Variants in ZNF324 observed in about 807,000 individuals in gnomAD.
ZNF324 encodes the protein zinc finger protein 324A.
ZNF324 carries 3 observed loss-of-function variants against 10.3 expected under a neutral mutation model. The observed-to-expected ratio is 0.29, with a 90% CI of 0.13 to 0.75. The LOEUF is 0.75. ZNF324 is among the 30% of genes least tolerant of loss of function. ZNF324 has a pLI of 0.69. For synonymous variants in ZNF324, 430 were observed against 339.5 expected (o/e 1.27, Z -2.93); for missense variants, 763 against 784.4 (o/e 0.97, Z 0.33).
intron 3 of ZNF324, 166 bp from the exon 4 acceptor site, chr19:58,470,565 G>C (rs1204719623): frequency 1.2e-6 from 1 of 824,084 alleles, no homozygotes; most frequent in African/African-American, 1.7e-5. Context: ...TATCAGGGCA[G>C]ATTGTTCCTC....
Position 58,471,844 on chromosome 19 carries a change from G to C in ZNF324, c.1352G>C (p.Arg451Pro). ...CACCAGCTCCTGCACACGGGCGAGC[G>C]GCCCTTCCGCTGCGTGGACTGTGGC... Reference protein sequence around the residue: ...TQHQLLHTGERPFRCVDCGKA... With the variant: ...TQHQLLHTGEPPFRCVDCGKA... Residue 451 changes from arginine to proline, a missense_variant, in exon 4 of 4, where the codon CGG becomes CCG. This residue lies in a region of ZNF324 where 231 missense variants were observed against 196.0 expected (regional missense o/e 1.18). Transcript: ENST00000196482. 6.2e-7 allele frequency: 1 copy of C among 1,612,648 alleles called. No homozygotes were observed. Among genetic ancestry groups the C allele is most frequent in the South Asian group, 1.1e-5 (1 of 91,050 alleles).
rs1006704358 is a variant in ZNF324 at position 58,472,891 on chromosome 19, C to CGGCCT, written c.*746_*750dup. 6.5e-6 allele frequency: 1 copy of CGGCCT among 152,768 alleles called. No individual in the cohort carries two copies. The highest frequency in any genetic ancestry group is 2.4e-5 in the African/African-American group (1 of 41,426). The allele number at this position is 152,768 out of a possible 1,614,324, so 9.5% of individuals were successfully genotyped here. A position where few individuals can be genotyped will look rare whatever the true frequency, so the allele number is the denominator to read the frequency against. On this transcript the variant is annotated 3_prime_UTR_variant, in exon 4 of 4. Coordinates refer to ENST00000196482, the MANE Select transcript of ZNF324 (RefSeq NM_014347.3). ...TGGAAGATGAGGAAACTGAGGCACACGGCCTGGCCTGGCTTCACACACATA... is the reference window on the plus strand; with the variant it reads ...TGGAAGATGAGGAAACTGAGGCACACGGCCTGGCCTGGCCTGGCTTCACACACATA...
rs2053024644 is a variant in ZNF324 at position 58,470,908 on chromosome 19, T to A, written c.416T>A (p.Val139Glu). The A allele has an allele frequency of 2.5e-6, 4 of 1,613,952 alleles. No homozygotes were observed. The highest frequency in any genetic ancestry group is 3.4e-6 in the Non-Finnish European group (4 of 1,179,986). Residue 139 changes from valine to glutamate, a missense_variant, in exon 4 of 4, where the codon GTG becomes GAG. Val to Glu is a moderately radical substitution (Grantham distance 121). This residue lies in a region of ZNF324 where 379 missense variants were observed against 319.4 expected (regional missense o/e 1.19). Coordinates refer to ENST00000196482, the MANE Select transcript of ZNF324 (RefSeq NM_014347.3). ...SPSRERKPTG[V>E]SVIYWERLLL... is the part of the protein sequence containing the mutation. ...TCTCGGGAGAGAAAACCCACGGGGG[T>A]GTCGGTGATCTACTGGGAGAGGCTC...
chr19:58,468,549 T>A (rs568420930), intron 1 of ZNF324, among the ~76,000 whole-genome samples: 3 of 151,482 alleles, frequency 2.0e-5, no homozygotes, highest in Non-Finnish European at 4.4e-5. Context: ...CAGGGGAGGG[T>A]CCCAGTGATG....
chr19:58,470,101 G>A (rs1354504191), intron 3 of ZNF324, among the ~76,000 whole-genome samples: 4 of 152,184 alleles, frequency 2.6e-5, no homozygotes, highest in African/African-American at 9.7e-5. Context: ...TATCAGCTGG[G>A]CTGGCCTCAA....
chr19:58,468,850 G>A (rs1169882311), intron 1 of ZNF324, among the ~76,000 whole-genome samples: 1 of 152,146 alleles, frequency 6.6e-6, no homozygotes, highest in Non-Finnish European at 1.5e-5. Context: ...CAGAACCCAG[G>A]GAAGGAGGGT....
intron 1 of ZNF324, among the ~76,000 whole-genome samples, chr19:58,468,370 G>C (rs1052100403): frequency 1.2e-4 from 18 of 152,254 alleles, no homozygotes; most frequent in Middle Eastern, 3.4e-3. Flanking sequence ...GAGGAGGGGA[G>C]GGTGGCAACA....
chr19:58,472,068 GCATCATCAGAAGGTGCGC>G lies in ZNF324; in HGVS notation c.1579_1596del (p.Ser527_Pro532del), dbSNP rs1185329089. The G allele has an allele frequency of 6.2e-7, 1 of 1,603,802 alleles. No individual in the cohort carries two copies. Among genetic ancestry groups the G allele is most frequent in the Non-Finnish European group, 8.5e-7 (1 of 1,177,592 alleles). ...CCCCCAGGCCAGGTCTGTTGCCGGG[GCATCATCAGAAGGTGCGC>G]CAGCGAAGGAAACCGAGCCCACTCC... On this transcript the variant is annotated inframe_deletion, in exon 4 of 4. Coordinates refer to ENST00000196482, the MANE Select transcript of ZNF324 (RefSeq NM_014347.3).
Position 58,472,500 on chromosome 19 carries a change from G to A in ZNF324, c.*346G>A, listed in dbSNP as rs2053046224. The A allele has an allele frequency of 7.4e-6, 2 of 271,462 alleles. No homozygotes were observed. Among genetic ancestry groups the A allele is most frequent in the Admixed American group, 9.5e-5 (2 of 21,120 alleles). 16.8% of individuals were successfully genotyped at this position (271,462 alleles called of 1,614,324 possible). On this transcript the variant is annotated 3_prime_UTR_variant, in exon 4 of 4. Coordinates refer to ENST00000196482, the MANE Select transcript of ZNF324 (RefSeq NM_014347.3). ...ATGACAGTGGATGCTAAGGTGAGAG[G>A]GATGCAGGCATGGGTTGGGGGTGGC...
At position 58,472,526 on chromosome 19, in the gene ZNF324, C is replaced by G. The variant is rs548406247; in HGVS notation, c.*372C>G. On this transcript the variant is annotated 3_prime_UTR_variant, in exon 4 of 4. Coordinates refer to ENST00000196482, the MANE Select transcript of ZNF324 (RefSeq NM_014347.3). ...GATGCAGGCATGGGTTGGGGGTGGC[C>G]CAGAGAAACTTATGACAGCTGTACA... 5.9e-5 allele frequency: 13 copies of G among 219,344 alleles called. No homozygotes were observed. In the South Asian group the frequency reaches 1.3e-3, roughly 21 times the overall value. The allele number at this position is 219,344 out of a possible 1,614,324, so 13.6% of individuals were successfully genotyped here.
In ZNF324 at chr19:58,470,833, G is replaced by A. The variant is rs200934507; in HGVS notation, c.341G>A (p.Gly114Asp). Reference protein sequence around the residue: ...GMTTSVFPVAGACHSVKSLQR... With the variant: ...GMTTSVFPVADACHSVKSLQR... ...ACTACTAGCGTCTTCCCTGTTGCCG[G>A]TGCCTGCCACAGTGTAAAAAGCCTG... is the stretch of plus-strand genomic sequence containing the variant. The change falls in exon 4 of 4, where the codon GGT becomes GAT. Residue 114 changes from glycine to aspartate, a missense_variant. Gly to Asp is a moderately conservative substitution (Grantham distance 94). This residue lies in a region of ZNF324 where 379 missense variants were observed against 319.4 expected (regional missense o/e 1.19). Transcript: ENST00000196482. 1.6e-5 allele frequency: 26 copies of A among 1,613,966 alleles called. No individual in the cohort carries two copies. The highest frequency in any genetic ancestry group is 3.3e-4 in the Middle Eastern group (2 of 6,058).
chr19:58,474,571 A>G lies in ZNF324; in HGVS notation c.*2417A>G, dbSNP rs1031591427. The G allele has an allele frequency of 2.0e-5, 3 of 151,720 alleles. No individual in the cohort carries two copies. The highest frequency in any genetic ancestry group is 2.1e-4 in the South Asian group (1 of 4,798). 9.4% of individuals were successfully genotyped at this position (151,720 alleles called of 1,614,324 possible). A position where few individuals can be genotyped will look rare whatever the true frequency, so the allele number is the denominator to read the frequency against. On this transcript the variant is annotated 3_prime_UTR_variant, in exon 4 of 4. Transcript: ENST00000196482. ...ACCCATGACTGATCAGTGGCCCCCA[A>G]CCTAGGCTCCCACCTCCATGCAGGT... is the stretch of plus-strand genomic sequence containing the variant.
chr19:58,470,385 G>C (rs1370146609), intron 3 of ZNF324: 1 of 399,284 alleles, frequency 2.5e-6, no homozygotes, highest in Non-Finnish European at 4.7e-6. Flanking sequence ...TGAGAAGGGG[G>C]ACAGGGGCGG....
chr19:58,470,394 G>C (rs898660320), intron 3 of ZNF324: 3 of 425,190 alleles, frequency 7.1e-6, no homozygotes, highest in Non-Finnish European at 1.3e-5. Context: ...GGACAGGGGC[G>C]GGGGGAAGGG....
At position 58,475,055 on chromosome 19, in the gene ZNF324, T is replaced by C. The variant is rs1030143908; in HGVS notation, c.*2901T>C. ...GTGGAGGGTGAAAGTTTTTGTTTTT[T>C]TTTCCTTCTGGGACTCTGCATAGTC... On this transcript the variant is annotated 3_prime_UTR_variant, in exon 4 of 4. Coordinates refer to ENST00000196482, the MANE Select transcript of ZNF324 (RefSeq NM_014347.3). 6.6e-6 allele frequency: 1 copy of C among 152,080 alleles called. No individual in the cohort carries two copies. The highest frequency in any genetic ancestry group is 2.4e-5 in the African/African-American group (1 of 41,392). The allele number at this position is 152,080 out of a possible 1,614,324, so 9.4% of individuals were successfully genotyped here. A position where few individuals can be genotyped will look rare whatever the true frequency, so the allele number is the denominator to read the frequency against.
At position 58,472,381 on chromosome 19, in the gene ZNF324, A is replaced by G; in HGVS notation, c.*227A>G. On this transcript the variant is annotated 3_prime_UTR_variant, in exon 4 of 4. Transcript: ENST00000196482. ...GCACTGCAGCAACATCAGGGGGAGG[A>G]CGTGGTGGCTGAACTCTAGTGGGGC... The G allele has an allele frequency of 1.8e-6, 1 of 563,404 alleles. No homozygotes were observed. The highest frequency in any genetic ancestry group is 3.1e-5 in the Admixed American group (1 of 31,890). 34.9% of individuals were successfully genotyped at this position (563,404 alleles called of 1,614,324 possible). A position where few individuals can be genotyped will look rare whatever the true frequency, so the allele number is the denominator to read the frequency against.
rs368123243 is a variant in ZNF324, at chr19:58,471,941, T to C, written c.1449T>C (p.Cys483=). 198 of 1,609,914 alleles carry C rather than the reference T, an allele frequency of 1.2e-4. No individual in the cohort carries two copies. The highest frequency in any genetic ancestry group is 4.0e-4 in the East Asian group (18 of 44,830). ...RIHTGEKPFV[C]TQCGRAFRER... ...ACACGGGCGAGAAGCCCTTCGTGTG[T>C]ACGCAGTGTGGCCGCGCCTTCCGTG... is the stretch of plus-strand genomic sequence containing the variant. The change falls in exon 4 of 4, where the codon TGT becomes TGC. Residue 483 remains cysteine (C), a synonymous_variant. Coordinates refer to ENST00000196482, the MANE Select transcript of ZNF324 (RefSeq NM_014347.3).
chr19:58,474,633 T>A lies in ZNF324; in HGVS notation c.*2479T>A, dbSNP rs765166201. 6.6e-6 allele frequency: 1 copy of A among 152,068 alleles called. No individual in the cohort carries two copies. Among genetic ancestry groups the A allele is most frequent in the Non-Finnish European group, 1.5e-5 (1 of 68,076 alleles). 9.4% of individuals were successfully genotyped at this position (152,068 alleles called of 1,614,324 possible). ...GGCTGACCTCCCTCCAACCTCCCCC[T>A]CTGCTCTTAATTTTGAATAGGTAGT... On this transcript the variant is annotated 3_prime_UTR_variant, in exon 4 of 4. Transcript: ENST00000196482.
In ZNF324 at chr19:58,471,516, C is replaced by T. The variant is rs764557012; in HGVS notation, c.1024C>T (p.Arg342Cys). The change falls in exon 4 of 4, where the codon CGC becomes TGC. Residue 342 changes from arginine to cysteine, a missense_variant. Physicochemically the swap from Arg to Cys is radical, Grantham distance 180 (BLOSUM62 -3). Around this residue, in one of 3 missense-constraint regions of ZNF324, gnomAD observed 153 missense variants for 269.0 expected, o/e 0.57. Coordinates refer to ENST00000196482, the MANE Select transcript of ZNF324 (RefSeq NM_014347.3). The stretch of plus-strand genomic sequence containing the variant: ...CATCCACACGGCCGAGAAGTCCTTC[C>T]GCTGCTCCGAGTGCGGCAAGGCCTT... ...QRIHTAEKSF[R>C]CSECGKAFSH... The T allele has an allele frequency of 2.9e-5, 46 of 1,573,852 alleles. No individual in the cohort carries two copies. The highest frequency in any genetic ancestry group is 1.2e-4 in the East Asian group (5 of 42,956).
Sources: allele counts gnomAD v4.1 joint callset (sites outside exome capture counted in the v4.1 genomes callset), GRCh38; gene constraint gnomAD v4.1.1; regional missense constraint gnomAD v4.1.1; transcripts MANE v1.5; gene names NCBI Gene and HGNC (gene_info 2026-07-23, HGNC 2026-07-21).